IGLON5: variants seen among roughly 807,000 people sequenced by gnomAD.
The protein encoded by IGLON5 is Ig-like domain-containing protein ENSP00000270642.
In IGLON5, 16 loss-of-function variants were observed where a neutral mutation model predicts 38.2. The observed-to-expected ratio is 0.42, with a 90% confidence interval of 0.28 to 0.64. IGLON5 has a LOEUF of 0.64. Among genes scored for constraint, IGLON5 ranks in the 30% least tolerant of loss-of-function variants. The probability of loss-of-function intolerance (pLI) is 0.23; values close to 1 mark genes in which losing one functional copy is unlikely to be tolerated. For missense variants in IGLON5, 366 were observed against 483.4 expected (o/e 0.76, Z 2.28); for synonymous variants, 207 against 216.4 (o/e 0.96, Z 0.38).
At chr19:51,323,242 G>GTCTC (rs754853300) in intron 2 of IGLON5, among the ~76,000 whole-genome samples, 1 of 141,886 alleles carries the variant, frequency 7.0e-6, no homozygotes, top group Admixed American at 7.1e-5. Context: ...CTGGGTCTCT[G>GTCTC]TGTCTCTCTC....
At chr19:51,312,311 G>T (rs1192212954) in intron 1 of IGLON5, among the ~76,000 whole-genome samples, 2 of 152,114 alleles carry the variant, frequency 1.3e-5, no homozygotes, top group Middle Eastern at 3.4e-3. Flanking sequence ...GAGTTGGGGT[G>T]GGGGGCAGGG....
intron 1 of IGLON5, among the ~76,000 whole-genome samples, chr19:51,317,241 C>T (rs1161052835): frequency 6.6e-6 from 1 of 152,192 alleles, no homozygotes; most frequent in African/African-American, 2.4e-5. Flanking sequence ...CCTCTGATCA[C>T]CGCCAGACAC....
At position 51,327,958 on chromosome 19, in the gene IGLON5, C is replaced by T. The variant is rs1162595934; in HGVS notation, c.922+72C>T. The stretch of plus-strand genomic sequence containing the variant: ...GGCGGGGCTAGGGAAGTGGAGACGC[C>T]GGGACCGCCCTTCAGGCTGGCCCTG... On this transcript the variant is annotated intron_variant, in intron 7 of 7. Coordinates refer to ENST00000270642, the MANE Select transcript of IGLON5 (RefSeq NM_001101372.3). The surrounding 1 kb of genome is among the most constrained non-coding windows in gnomAD (Gnocchi z 7.1). 2.8e-5 allele frequency: 40 copies of T among 1,405,826 alleles called. No homozygotes were observed. Among genetic ancestry groups the T allele is most frequent in the Non-Finnish European group, 3.7e-5 (40 of 1,073,430 alleles). The allele number at this position is 1,405,826 out of a possible 1,614,324, so 87.1% of individuals were successfully genotyped here.
rs1251487111 is a variant in IGLON5, at chr19:51,311,691, G to T, written c.-157G>T. On this transcript the variant is annotated 5_prime_UTR_variant, in exon 1 of 8. Transcript: ENST00000270642. The stretch of plus-strand genomic sequence containing the variant: ...GGTCTGCAGCAGCTCCAGCCGCCTC[G>T]TCGCGCCCCCCCAGCCCCCTCCCCC... Among the ~76,000 whole-genome samples, 1 of 125,314 alleles carries T rather than the reference G, an allele frequency of 8.0e-6. No homozygotes were observed. Among genetic ancestry groups the T allele is most frequent in the East Asian group, 2.5e-4 (1 of 4,034 alleles). The allele number at this position is 125,314 out of a possible 152,430, so 82.2% of individuals were successfully genotyped here. A position where few individuals can be genotyped will look rare whatever the true frequency, so the allele number is the denominator to read the frequency against.
At chr19:51,318,490 A>G (rs892793179) in intron 1 of IGLON5, among the ~76,000 whole-genome samples, 2 of 152,130 alleles carry the variant, frequency 1.3e-5, no homozygotes, top group African/African-American at 4.8e-5. Context: ...CACGCCTGCA[A>G]TACCAACATT....
rs370022578 is a variant in IGLON5 at position 51,330,110 on chromosome 19, A to G, written c.*1351A>G. 15 of 152,418 alleles carry G rather than the reference A, an allele frequency of 9.8e-5. No individual in the cohort carries two copies. Among genetic ancestry groups the G allele is most frequent in the African/African-American group, 3.6e-4 (15 of 41,572 alleles). 9.4% of individuals were successfully genotyped at this position (152,418 alleles called of 1,614,324 possible). On this transcript the variant is annotated 3_prime_UTR_variant, in exon 8 of 8. Coordinates refer to ENST00000270642, the MANE Select transcript of IGLON5 (RefSeq NM_001101372.3). ...CTCCGACTCCCAGGAGACCCTCTAT[A>G]TAAACACCCACCCCAAACCACACCA...
At chr19:51,323,988 G>A (rs1985152867) in intron 3 of IGLON5, 94 bp downstream of exon 3, 3 of 832,652 alleles carry the variant, frequency 3.6e-6, no homozygotes, top group Admixed American at 2.5e-5. Flanking sequence ...CCCAACCCCA[G>A]GGATACATAG....
chr19:51,314,248 A>G (rs1452007911), intron 1 of IGLON5, among the ~76,000 whole-genome samples: 2 of 149,910 alleles, frequency 1.3e-5, no homozygotes, highest in Non-Finnish European at 1.5e-5. Context: ...TAGTGGCATA[A>G]TCTCAGCTCA....
intron 1 of IGLON5, among the ~76,000 whole-genome samples, chr19:51,312,611 G>T (rs2123507122): frequency 6.6e-6 from 1 of 152,272 alleles, no homozygotes; most frequent in East Asian, 1.9e-4. Flanking sequence ...GGAAGTTGGG[G>T]TGCTGGGCTG....
In IGLON5 at chr19:51,324,630, G is replaced by A. The variant is rs148097380; in HGVS notation, c.392-716G>A. Among the ~76,000 whole-genome samples the A allele has an allele frequency of 1.3e-3, 205 of 152,206 alleles. No homozygotes were observed. The highest frequency in any genetic ancestry group is 3.4e-3 in the Middle Eastern group (1 of 294). ...CAGGGAAGAGGCCCGGGACTCCTTT[G>A]CAAAATGGGGATGGTGCTGTCATAT... On this transcript the variant is annotated intron_variant, in intron 3 of 7. Transcript: ENST00000270642. This position sits in a 1 kb window ranked among gnomAD's most constrained non-coding sequence, Gnocchi z 4.2.
chr19:51,322,002 G>C, intron 1 of IGLON5, 62 bp from the exon 2 acceptor site: 8 of 1,335,618 alleles, frequency 6.0e-6, no homozygotes, highest in Non-Finnish European at 3.2e-6. Context: ...CATGTGTGCA[G>C]GTGCTACCAT....
In IGLON5 at chr19:51,327,774, G is replaced by T. The variant is rs372040737; in HGVS notation, c.810G>T (p.Glu270Asp). Residue 270 changes from glutamate to aspartate, a missense_variant, in exon 7 of 8, where the codon GAG becomes GAT. Glu to Asp is a conservative substitution (Grantham distance 45). Coordinates refer to ENST00000270642, the MANE Select transcript of IGLON5 (RefSeq NM_001101372.3). The surrounding 1 kb of genome is among the most constrained non-coding windows in gnomAD (Gnocchi z 7.1). ...CCGAAGGCCTGAAGGTGCAGACGGAGCGCACCCGCTCGATGCTTCTCTTTG... is the reference window on the plus strand; with the variant it reads ...CCGAAGGCCTGAAGGTGCAGACGGATCGCACCCGCTCGATGCTTCTCTTTG... ...GTAEGLKVQTERTRSMLLFAN... is the reference protein window; with the variant it reads ...GTAEGLKVQTDRTRSMLLFAN... 6.3e-7 allele frequency: 1 copy of T among 1,576,152 alleles called. No individual in the cohort carries two copies.
intron 1 of IGLON5, among the ~76,000 whole-genome samples, chr19:51,319,063 G>T (rs752182229): frequency 6.6e-6 from 1 of 152,240 alleles, no homozygotes; most frequent in East Asian, 1.9e-4. Flanking sequence ...GCATAGGACA[G>T]TCTGGCCCCA....
intron 1 of IGLON5, among the ~76,000 whole-genome samples, chr19:51,320,902 T>G (rs1337977049): frequency 3.9e-5 from 6 of 152,214 alleles, no homozygotes; most frequent in African/African-American, 1.4e-4. Flanking sequence ...TTTGTGTGTA[T>G]TCACGTATAT....
rs1555750477 is a variant in IGLON5, at chr19:51,313,647, T to TTTTCTTTCTTTCTTTCTTTCTTTC, written c.79+1748_79+1771dup. ...TTTCTCTTTTTCTCTCTCTCTCTCT[T>TTTTCTTTCTTTCTTTCTTTCTTTC]TTTCTTTCTTTCTTTCTTTCTTTCT... On this transcript the variant is annotated intron_variant, in intron 1 of 7. Coordinates refer to ENST00000270642, the MANE Select transcript of IGLON5 (RefSeq NM_001101372.3). 1.7e-3 allele frequency among the ~76,000 whole-genome samples: 193 copies of TTTTCTTTCTTTCTTTCTTTCTTTC among 116,274 alleles called. 4 individuals carry two copies. The highest frequency in any genetic ancestry group is 6.1e-3 in the Admixed American group (61 of 10,062). 76.3% of individuals were successfully genotyped at this position (116,274 alleles called of 152,430 possible).
intron 1 of IGLON5, among the ~76,000 whole-genome samples, chr19:51,314,187 ATT>A (rs34052497): frequency 3.1e-5 from 4 of 131,038 alleles, no homozygotes; most frequent in Non-Finnish European, 4.8e-5. Flanking sequence ...CACATTCACT[ATT>A]TTTTTTTTTT....
chr19:51,328,823 G>C lies in IGLON5; in HGVS notation c.*64G>C. Reference sequence around the variant, plus strand: ...CTCAGGCCAAGAGTGAGAGAAACGGGGGAGCAAGAGCCGTGGGTCTCGTGG... The same window carrying C: ...CTCAGGCCAAGAGTGAGAGAAACGGCGGAGCAAGAGCCGTGGGTCTCGTGG... On this transcript the variant is annotated 3_prime_UTR_variant, in exon 8 of 8. Coordinates refer to ENST00000270642, the MANE Select transcript of IGLON5 (RefSeq NM_001101372.3). 2 of 1,228,718 alleles carry C rather than the reference G, an allele frequency of 1.6e-6. No individual in the cohort carries two copies. The highest frequency in any genetic ancestry group is 2.3e-6 in the Non-Finnish European group (2 of 886,270). The allele number at this position is 1,228,718 out of a possible 1,614,324, so 76.1% of individuals were successfully genotyped here.
In IGLON5 at chr19:51,322,162, G is replaced by C. The variant is rs1437484703; in HGVS notation, c.158+20G>C. On this transcript the variant is annotated intron_variant, in intron 2 of 7. Transcript: ENST00000270642. ...CCTCAGGTACCTCCCTCGGTGGGTG[G>C]GGACTCAGATCTCATGGAGCCATGC... The C allele has an allele frequency of 6.3e-7, 1 of 1,590,428 alleles. No homozygotes were observed. The highest frequency in any genetic ancestry group is 1.7e-5 in the Admixed American group (1 of 59,984).
intron 1 of IGLON5, among the ~76,000 whole-genome samples, chr19:51,320,485 C>A (rs541272395): frequency 6.6e-6 from 1 of 152,222 alleles, no homozygotes; most frequent in Non-Finnish European, 1.5e-5. Flanking sequence ...CTCCGCATGC[C>A]CAGCCCCCAC....
Sources: allele counts gnomAD v4.1 joint callset (sites outside exome capture counted in the v4.1 genomes callset), GRCh38; gene constraint gnomAD v4.1.1; non-coding constraint Gnocchi (gnomAD v3.1); transcripts MANE v1.5; gene names NCBI Gene and HGNC (gene_info 2026-07-23, HGNC 2026-07-21).